PAX3: variants seen among roughly 807,000 people sequenced by gnomAD.
PAX3 encodes the protein paired box 3.
In PAX3, 14 loss-of-function variants were observed where a neutral mutation model predicts 51.6. The ratio of observed to expected loss-of-function variants is 0.27; its 90% confidence interval spans 0.18 to 0.42. PAX3 has a LOEUF of 0.42. PAX3 is among the 10% of genes least tolerant of loss of function. The pLI is 1.00. For missense variants in PAX3, 540 were observed against 642.8 expected (o/e 0.84, Z 1.73); for synonymous variants, 280 against 253.4 (o/e 1.11, Z -1.00).
chr2:222,212,484 G>A (rs182680618), intron 7 of PAX3, among the ~76,000 whole-genome samples: 7 of 152,144 alleles, frequency 4.6e-5, no homozygotes, highest in Admixed American at 1.3e-4. Flanking sequence ...AGGTGCAATC[G>A]CTAATCTCAG....
chr2:222,288,311 A>G (rs1048750109), intron 4 of PAX3, among the ~76,000 whole-genome samples: 1 of 152,256 alleles, frequency 6.6e-6, no homozygotes, highest in African/African-American at 2.4e-5. Flanking sequence ...TGTGCAACTA[A>G]ATATAGTTTA....
intron 4 of PAX3, among the ~76,000 whole-genome samples, chr2:222,256,973 A>C (rs1162199868): frequency 1.3e-5 from 2 of 152,250 alleles, no homozygotes; most frequent in African/African-American, 4.8e-5. Flanking sequence ...AGCTAATTTG[A>C]GACAATAAAT....
chr2:222,210,068 C>T (rs1559255640), intron 7 of PAX3, among the ~76,000 whole-genome samples: 1 of 152,084 alleles, frequency 6.6e-6, no homozygotes, highest in Non-Finnish European at 1.5e-5. Flanking sequence ...ATAAAGATGC[C>T]GTGTTCTCTT....
intron 4 of PAX3, among the ~76,000 whole-genome samples, chr2:222,253,650 C>A (rs1188020249): frequency 1.4e-5 from 2 of 145,564 alleles, no homozygotes; most frequent in South Asian, 2.2e-4. Context: ...TTTTTTCTTT[C>A]TTTTTCTTTT....
At chr2:222,287,884 T>A (rs964341640) in intron 4 of PAX3, among the ~76,000 whole-genome samples, 1 of 152,200 alleles carries the variant, frequency 6.6e-6, no homozygotes, top group South Asian at 2.1e-4. Flanking sequence ...TAAAGCCTCA[T>A]GCACAACTTT....
intron 4 of PAX3, among the ~76,000 whole-genome samples, chr2:222,272,010 C>T (rs568291790): frequency 6.6e-6 from 1 of 152,302 alleles, no homozygotes; most frequent in East Asian, 1.9e-4. Context: ...CTGAAGGTTT[C>T]ACTTTCTTCG....
intron 3 of PAX3, 32 bp downstream of exon 3, chr2:222,295,496 G>C (rs763220524): frequency 6.2e-7 from 1 of 1,613,642 alleles, no homozygotes; most frequent in South Asian, 1.1e-5. Flanking sequence ...ACTGACTGTC[G>C]CGCCTCGGGG....
At chr2:222,213,490 T>C (rs898473205) in intron 7 of PAX3, among the ~76,000 whole-genome samples, 1 of 152,172 alleles carries the variant, frequency 6.6e-6, no homozygotes, top group East Asian at 1.9e-4. Flanking sequence ...ATAAACATTC[T>C]TGAGCCTTCA....
At chr2:222,297,257 G>A (rs1008151570) in intron 1 of PAX3, 44 bp from the exon 2 acceptor site, 2 of 1,432,792 alleles carry the variant, frequency 1.4e-6, no homozygotes, top group South Asian at 1.2e-5. Flanking sequence ...AGTCACTGGA[G>A]GAAAATAAAA....
At chr2:222,266,386 T>C (rs1379075673) in intron 4 of PAX3, among the ~76,000 whole-genome samples, 3 of 152,222 alleles carry the variant, frequency 2.0e-5, no homozygotes, top group African/African-American at 7.2e-5. Context: ...ATATAGTCTT[T>C]ATCACAATTT....
At chr2:222,257,236 C>A (rs1355346279) in intron 4 of PAX3, among the ~76,000 whole-genome samples, 1 of 150,842 alleles carries the variant, frequency 6.6e-6, no homozygotes, top group East Asian at 1.9e-4. Flanking sequence ...AGATAAGTTT[C>A]TGTTCCTTCA....
intron 8 of PAX3, 76 bp from the exon 9 acceptor site, chr2:222,201,518 G>T: frequency 1.3e-6 from 2 of 1,564,032 alleles, no homozygotes; most frequent in South Asian, 1.1e-5. Context: ...GCTACAGGCT[G>T]ACAATGTCAT....
At chr2:222,236,707 A>C (rs1029606454) in intron 4 of PAX3, among the ~76,000 whole-genome samples, 4 of 152,216 alleles carry the variant, frequency 2.6e-5, no homozygotes, top group Non-Finnish European at 2.9e-5. Flanking sequence ...CCAGGATACA[A>C]CAATTAGATT....
chr2:222,232,835 C>G (rs1692649569), intron 4 of PAX3: 2 of 156,870 alleles, frequency 1.3e-5, no homozygotes, highest in African/African-American at 4.8e-5. Flanking sequence ...GTTAACTATT[C>G]CCAGATTCCT....
intron 4 of PAX3, 52 bp from the exon 5 acceptor site, chr2:222,232,335 A>G: frequency 6.6e-7 from 1 of 1,513,894 alleles, no homozygotes; most frequent in Non-Finnish European, 9.2e-7. Flanking sequence ...AAAAAATAAA[A>G]CTGAGATTGA....
At chr2:222,281,176 G>A (rs181290045) in intron 4 of PAX3, among the ~76,000 whole-genome samples, 1 of 152,132 alleles carries the variant, frequency 6.6e-6, no homozygotes, top group East Asian at 1.9e-4. Context: ...GTCCACCGGG[G>A]GCACCATGAG....
intron 4 of PAX3, among the ~76,000 whole-genome samples, chr2:222,274,630 G>A (rs951034570): frequency 6.6e-6 from 1 of 151,146 alleles, no homozygotes; most frequent in African/African-American, 2.4e-5. Context: ...ATGTATTTTC[G>A]CATTCCCTAA....
intron 4 of PAX3, among the ~76,000 whole-genome samples, chr2:222,240,438 T>C (rs2106109393): frequency 6.6e-6 from 1 of 152,296 alleles, no homozygotes; most frequent in East Asian, 1.9e-4. Flanking sequence ...TGGAGTTCTG[T>C]CTCAAGCCAC....
chr2:222,279,598 C>T (rs893870005), intron 4 of PAX3, among the ~76,000 whole-genome samples: 9 of 152,170 alleles, frequency 5.9e-5, no homozygotes, highest in African/African-American at 2.2e-4. Flanking sequence ...GTCTGAGTGA[C>T]AGTTCTTTTT....
Sources: gnomAD v4.1 joint callset for allele counts (sites outside exome capture counted in the v4.1 genomes callset) on GRCh38, gnomAD v4.1.1 for gene constraint, MANE v1.5 for transcripts, NCBI Gene and HGNC (gene_info 2026-07-23, HGNC 2026-07-21) for gene names.